KCNH8: variants seen among roughly 807,000 people sequenced by gnomAD.
KCNH8 encodes the protein potassium voltage-gated channel subfamily H member 8, also known as voltage-gated delayed rectifier potassium channel KCNH8.
KCNH8 carries 70 observed loss-of-function variants against 103.6 expected under a neutral mutation model. The observed-to-expected ratio is 0.68, with a 90% confidence interval of 0.56 to 0.82. KCNH8 has a LOEUF of 0.82. KCNH8 is among the 40% of genes least tolerant of loss of function. The probability of loss-of-function intolerance (pLI) is 0.00; values close to 1 mark genes in which losing one functional copy is unlikely to be tolerated. For synonymous variants in KCNH8, 498 were observed against 489.4 expected (o/e 1.02, Z -0.23); for missense variants, 1,217 against 1,329.9 (o/e 0.92, Z 1.32).
intron 1 of KCNH8, among the ~76,000 whole-genome samples, chr3:19,228,653 A>C (rs111676622): frequency 1.3e-5 from 2 of 152,150 alleles, no homozygotes; most frequent in Non-Finnish European, 2.9e-5. Flanking sequence ...TATGTTGACA[A>C]ATAAAATGAT....
At chr3:19,491,561 TACC>T (rs529102664) in intron 11 of KCNH8, among the ~76,000 whole-genome samples, 46 of 152,346 alleles carry the variant, frequency 3.0e-4, no homozygotes, top group Admixed American at 2.0e-3. Flanking sequence ...GGTGGATATG[TACC>T]ACATTTTCTT....
In KCNH8 at chr3:19,451,520, C is replaced by T. The variant is rs559244348; in HGVS notation, c.1825+116C>T. The stretch of plus-strand genomic sequence containing the variant: ...GGAAAAGAACAGATGAAGACATGAA[C>T]TCAGGAGTATTCCTCATATGAGTTT... On this transcript the variant is annotated intron_variant, in intron 10 of 15. Coordinates refer to ENST00000328405, the MANE Select transcript of KCNH8 (RefSeq NM_144633.3). 24 of 884,908 alleles carry T rather than the reference C, an allele frequency of 2.7e-5. No homozygotes were observed. In the East Asian group the frequency reaches 6.0e-4, roughly 22 times the overall value. 54.8% of individuals were successfully genotyped at this position (884,908 alleles called of 1,614,324 possible).
intron 3 of KCNH8, among the ~76,000 whole-genome samples, chr3:19,290,853 T>TAAA (rs1259505422): frequency 6.6e-6 from 1 of 152,190 alleles, no homozygotes; most frequent in Non-Finnish European, 1.5e-5. Flanking sequence ...TGTGGTAGAA[T>TAAA]TCGGCTATGA....
At chr3:19,386,061 T>G (rs1251435729) in intron 5 of KCNH8, among the ~76,000 whole-genome samples, 1 of 152,176 alleles carries the variant, frequency 6.6e-6, no homozygotes, top group African/African-American at 2.4e-5. Flanking sequence ...ATATTAAATT[T>G]AACCTCTTTT....
At chr3:19,300,320 T>C (rs1435844144) in intron 3 of KCNH8, among the ~76,000 whole-genome samples, 1 of 151,498 alleles carries the variant, frequency 6.6e-6, no homozygotes, top group East Asian at 1.9e-4. Context: ...ATAAGGAAGC[T>C]AGTATTTGAA....
At chr3:19,498,086 C>G (rs73034030) in intron 11 of KCNH8, among the ~76,000 whole-genome samples, 12,255 of 152,140 alleles carry the variant, frequency 0.081, 625 homozygotes, top group African/African-American at 0.12. Flanking sequence ...TTTCCATTTG[C>G]TTGGTAGATT....
chr3:19,457,314 A>G (rs1343776388), intron 11 of KCNH8, among the ~76,000 whole-genome samples: 2 of 151,964 alleles, frequency 1.3e-5, no homozygotes, highest in Non-Finnish European at 2.9e-5. Flanking sequence ...AGATTTCCAG[A>G]TGAAGTATAT....
rs942257777 is a variant in KCNH8, at chr3:19,374,479, A to C, written c.812-16002A>C. On this transcript the variant is annotated intron_variant, in intron 5 of 15. Coordinates refer to ENST00000328405, the MANE Select transcript of KCNH8 (RefSeq NM_144633.3). ...TTTGCTTGGTAGATCTTCCTCCATC[A>C]TTTTATTTTGAGCCTAGTCTCTGCA... Among the ~76,000 whole-genome samples the C allele has an allele frequency of 2.9e-3, 442 of 151,932 alleles. 11 individuals are homozygous for C. Among genetic ancestry groups the C allele is most frequent in the Non-Finnish European group, 7.7e-4 (52 of 67,950 alleles).
At chr3:19,167,968 TTA>T (rs1215984554) in intron 1 of KCNH8, among the ~76,000 whole-genome samples, 1 of 152,104 alleles carries the variant, frequency 6.6e-6, no homozygotes, top group African/African-American at 2.4e-5. Context: ...CAGAACAATT[TTA>T]TCACAAGAAT....
intron 6 of KCNH8, among the ~76,000 whole-genome samples, chr3:19,392,730 C>T (rs920205917): frequency 2.0e-5 from 3 of 151,954 alleles, no homozygotes; most frequent in African/African-American, 7.2e-5. Context: ...GTACGGATCA[C>T]ATGCTTTTTG....
chr3:19,183,546 G>A (rs2063476193), intron 1 of KCNH8, among the ~76,000 whole-genome samples: 1 of 152,138 alleles, frequency 6.6e-6, no homozygotes, highest in Non-Finnish European at 1.5e-5. Flanking sequence ...GCTATTCTAA[G>A]TGGACTAAAG....
chr3:19,288,677 G>A (rs1318289426), intron 3 of KCNH8, among the ~76,000 whole-genome samples: 1 of 152,122 alleles, frequency 6.6e-6, no homozygotes, highest in Non-Finnish European at 1.5e-5. Flanking sequence ...TGTGAATAGT[G>A]CCGCAATAAA....
intron 1 of KCNH8, among the ~76,000 whole-genome samples, chr3:19,175,383 G>A (rs889729678): frequency 6.6e-6 from 1 of 151,910 alleles, no homozygotes; most frequent in African/African-American, 2.4e-5. Context: ...CACTACGCCC[G>A]GCTAACTTTT....
rs199954715 is a variant in KCNH8 at position 19,322,249 on chromosome 3, C to CT, written c.443-20330dup. ...ATTGTGCTATTTGTTACGTGAATAC[C>CT]TTTTTTTTCATTCTGTTATTGTTTT... On this transcript the variant is annotated intron_variant, in intron 3 of 15. Transcript: ENST00000328405. Among the ~76,000 whole-genome samples, 31 of 151,792 alleles carry CT rather than the reference C, an allele frequency of 2.0e-4. 1 individual carries two copies. The highest frequency in any genetic ancestry group is 4.6e-4 in the Admixed American group (7 of 15,212).
At chr3:19,166,574 A>T (rs911062683) in intron 1 of KCNH8, among the ~76,000 whole-genome samples, 2 of 152,240 alleles carry the variant, frequency 1.3e-5, no homozygotes, top group Non-Finnish European at 2.9e-5. Context: ...AAAATATGAA[A>T]AAAAAACTCG....
At position 19,527,182 on chromosome 3, in the gene KCNH8, C is replaced by T. The variant is rs116156547; in HGVS notation, c.2620-6213C>T. Among the ~76,000 whole-genome samples the T allele has an allele frequency of 7.6e-3, 1,149 of 152,056 alleles. 8 individuals are homozygous for T. The highest frequency in any genetic ancestry group is 0.02 in the South Asian group (95 of 4,826). On this transcript the variant is annotated intron_variant, in intron 15 of 15. Transcript: ENST00000328405. The stretch of plus-strand genomic sequence containing the variant: ...TTATTGCTGTTTCTACTTGCTACTG[C>T]GAAGATCCAGGCAAAGCAATACTAA...
At chr3:19,246,468 G>T (rs1342869903) in intron 1 of KCNH8, among the ~76,000 whole-genome samples, 1 of 151,320 alleles carries the variant, frequency 6.6e-6, no homozygotes, top group Non-Finnish European at 1.5e-5. Flanking sequence ...GTAGAGATGG[G>T]GTTTCACCAT....
chr3:19,238,659 T>C (rs2125243144), intron 1 of KCNH8, among the ~76,000 whole-genome samples: 1 of 152,354 alleles, frequency 6.6e-6, no homozygotes, highest in Admixed American at 6.5e-5. Flanking sequence ...GTTTCTAATA[T>C]TGTAGTCTCA....
intron 1 of KCNH8, among the ~76,000 whole-genome samples, chr3:19,244,267 G>A (rs1575464137): frequency 6.6e-6 from 1 of 152,196 alleles, no homozygotes; most frequent in African/African-American, 2.4e-5. Flanking sequence ...TGTTGAAAGG[G>A]GGAAGCTATG....
Sources: gnomAD v4.1 joint callset for allele counts (sites outside exome capture counted in the v4.1 genomes callset) on GRCh38, gnomAD v4.1.1 for gene constraint, MANE v1.5 for transcripts, NCBI Gene and HGNC (gene_info 2026-07-23, HGNC 2026-07-21) for gene names.